HAPSTR1: variants seen among roughly 807,000 people sequenced by gnomAD.
HAPSTR1 encodes the protein HUWE1-associated protein modifying stress responses 1.
At chr16:9,112,575 G>T in the HAPSTR1 span, 1 of 152,240 alleles carries the variant, frequency 6.6e-6, no homozygotes. Context: ...TGACTGGGCT[G>T]GCATTTGTTC....
the HAPSTR1 span, chr16:9,109,807 A>G: frequency 6.6e-6 from 1 of 152,094 alleles, no homozygotes; most frequent in East Asian, 1.9e-4. Context: ...TTTTTTAAGC[A>G]GTACTTTGTG....
chr16:9,120,019 A>G, the HAPSTR1 span: 2 of 152,210 alleles, frequency 1.3e-5, no homozygotes, highest in Admixed American at 6.5e-5. Context: ...GAACAGAATG[A>G]TTGAGTTTTT....
chr16:9,093,067 C>G, the HAPSTR1 span: 1 of 1,447,884 alleles, frequency 6.9e-7, no homozygotes, highest in Admixed American at 1.9e-5. Context: ...GTCTGCCCTG[C>G]GTTCCAAGTG....
chr16:9,095,314 G>A, the HAPSTR1 span, among the ~76,000 whole-genome samples: 1 of 152,118 alleles, frequency 6.6e-6, no homozygotes, highest in African/African-American at 2.4e-5. Flanking sequence ...TACAGCTGTA[G>A]GAATAATTGG....
At chr16:9,116,531 T>G in the HAPSTR1 span, 16 of 1,136,836 alleles carry the variant, frequency 1.4e-5, no homozygotes, top group South Asian at 1.8e-4. Flanking sequence ...GAATAAAACT[T>G]AATTGCTTAC....
At chr16:9,117,619 G>T in the HAPSTR1 span, 1 of 152,670 alleles carries the variant, frequency 6.6e-6, no homozygotes, top group African/African-American at 2.4e-5. Flanking sequence ...GAGTAACCCT[G>T]TAGGCCTAAA....
At chr16:9,108,819 GA>G in the HAPSTR1 span, 1 of 152,286 alleles carries the variant, frequency 6.6e-6, no homozygotes, top group Non-Finnish European at 1.5e-5. Flanking sequence ...TCTCCTTTGT[GA>G]AAGGTGATAT....
the HAPSTR1 span, among the ~76,000 whole-genome samples, chr16:9,095,501 T>G: frequency 6.6e-6 from 1 of 152,038 alleles, no homozygotes; most frequent in Non-Finnish European, 1.5e-5. Context: ...ATTCCTGTAT[T>G]TTGTATAATA....
the HAPSTR1 span, chr16:9,091,800 G>T: frequency 2.5e-6 from 1 of 393,454 alleles, no homozygotes; most frequent in Non-Finnish European, 4.5e-6. Flanking sequence ...TATCTGGTCC[G>T]CGGCGACCTT....
chr16:9,101,029 G>T, the HAPSTR1 span, among the ~76,000 whole-genome samples: 4 of 152,218 alleles, frequency 2.6e-5, no homozygotes, highest in African/African-American at 4.8e-5. Context: ...AATTCTTCTA[G>T]GTAGGATAGG....
chr16:9,097,147 C>T, the HAPSTR1 span, among the ~76,000 whole-genome samples: 69 of 152,070 alleles, frequency 4.5e-4, no homozygotes, highest in African/African-American at 5.1e-4. Flanking sequence ...ACCATGTTGG[C>T]CAGGCTGGTC....
the HAPSTR1 span, among the ~76,000 whole-genome samples, chr16:9,101,940 G>A: frequency 2.6e-5 from 4 of 152,072 alleles, no homozygotes; most frequent in African/African-American, 9.7e-5. Context: ...GACCAATATG[G>A]TGAAACCCGG....
the HAPSTR1 span, among the ~76,000 whole-genome samples, chr16:9,093,787 G>C: frequency 1.3e-5 from 2 of 151,914 alleles, no homozygotes; most frequent in Non-Finnish European, 2.9e-5. Flanking sequence ...TCTTGGTAAC[G>C]GTGGGTTTAG....
chr16:9,121,109 C>T, the HAPSTR1 span: 3 of 152,252 alleles, frequency 2.0e-5, no homozygotes, highest in African/African-American at 7.2e-5. Context: ...GCCACCACGC[C>T]CAGCTAATTT....
chr16:9,120,726 G>A, the HAPSTR1 span: 1 of 132,584 alleles, frequency 7.5e-6, no homozygotes, highest in Non-Finnish European at 1.5e-5. Context: ...CACCCAGGCT[G>A]GAGTGCAGTG....
At chr16:9,101,430 A>C in the HAPSTR1 span, among the ~76,000 whole-genome samples, 1 of 152,214 alleles carries the variant, frequency 6.6e-6, no homozygotes, top group Non-Finnish European at 1.5e-5. Context: ...ACCTTCTCAG[A>C]GTTGTGATGG....
At chr16:9,111,522 A>G in the HAPSTR1 span, 2 of 152,218 alleles carry the variant, frequency 1.3e-5, no homozygotes, top group Non-Finnish European at 2.9e-5. Flanking sequence ...TTAAGATTAG[A>G]TGTTAGCTGC....
the HAPSTR1 span, among the ~76,000 whole-genome samples, chr16:9,100,707 G>GT: frequency 6.6e-6 from 1 of 151,948 alleles, no homozygotes; most frequent in Non-Finnish European, 1.5e-5. Flanking sequence ...GCTAATTTTT[G>GT]TATTTTTAGT....
the HAPSTR1 span, chr16:9,104,491 A>C: frequency 6.6e-6 from 1 of 152,254 alleles, no homozygotes; most frequent in Admixed American, 6.5e-5. Flanking sequence ...AAATAGTGGC[A>C]TATAAAGAAA....
Sources: allele counts gnomAD v4.1 joint callset (sites outside exome capture counted in the v4.1 genomes callset), GRCh38; gene constraint gnomAD v4.1.1; transcripts MANE v1.5; gene names NCBI Gene and HGNC (gene_info 2026-07-23, HGNC 2026-07-21).